SOCS2: variants seen among roughly 807,000 people sequenced by gnomAD.
SOCS2 encodes the protein CIS-2.
In SOCS2, 10 loss-of-function variants were observed where a neutral mutation model predicts 18.6. The observed-to-expected ratio is 0.54, with a 90% confidence interval of 0.33 to 0.91. The LOEUF is 0.91. SOCS2 is among the 40% of genes least tolerant of loss of function. The pLI, the probability that SOCS2 is intolerant of heterozygous loss-of-function variation, is 0.02. For synonymous variants in SOCS2, 104 were observed against 104.0 expected, an observed-to-expected ratio of 1.00 and a Z score of 0.00; for missense variants, 231 against 247.2, an observed-to-expected ratio of 0.93 and a Z score of 0.44.
the SOCS2 span, among the ~76,000 whole-genome samples, chr12:93,623,093 A>G: frequency 1.3e-5 from 2 of 152,110 alleles, no homozygotes; most frequent in Non-Finnish European, 2.9e-5. Flanking sequence ...CCCAAGTCTC[A>G]TCTCGAATTG....
chr12:93,579,801 A>T (rs1262525974), downstream of SOCS2, among the ~76,000 whole-genome samples: 1 of 151,938 alleles, frequency 6.6e-6, no homozygotes, highest in Non-Finnish European at 1.5e-5. Context: ...TTTCCTATCT[A>T]CCCCTTCCTG....
the SOCS2 span, among the ~76,000 whole-genome samples, chr12:93,602,651 C>T: frequency 2.6e-5 from 4 of 152,074 alleles, no homozygotes; most frequent in Non-Finnish European, 5.9e-5. Context: ...CCAGGAGTGG[C>T]TCAAATTTGG....
chr12:93,614,475 CTT>C, the SOCS2 span, among the ~76,000 whole-genome samples: 18 of 77,660 alleles, frequency 2.3e-4, 3 homozygotes, highest in African/African-American at 7.3e-4. Flanking sequence ...TCCTTCCTTC[CTT>C]CCTTTCCTTC....
the SOCS2 span, among the ~76,000 whole-genome samples, chr12:93,621,863 T>A: frequency 2.0e-5 from 3 of 152,236 alleles, no homozygotes; most frequent in African/African-American, 7.2e-5. Flanking sequence ...ATAAGGTTGT[T>A]CTGAGACTTA....
upstream of SOCS2, chr12:93,571,920 A>AGCGCGGCGTTGGTGGTTTGCATTTT (rs1277425764): frequency 9.4e-6 from 4 of 425,888 alleles, no homozygotes; most frequent in Admixed American, 2.5e-5. Context: ...TCGAGGTAAG[A>AGCGCGGCGTTGGTGGTTTGCATTTT]GCGCGGCGTT....
chr12:93,577,180 G>A (rs1321089690), downstream of SOCS2, among the ~76,000 whole-genome samples: 2 of 152,172 alleles, frequency 1.3e-5, no homozygotes, highest in Non-Finnish European at 2.9e-5. Context: ...ATTGGAAAAA[G>A]TTCTGAGTTA....
the SOCS2 span, among the ~76,000 whole-genome samples, chr12:93,619,248 T>A: frequency 1.3e-5 from 2 of 152,118 alleles, no homozygotes; most frequent in African/African-American, 4.8e-5. Context: ...TTCTTCCTCC[T>A]CCCACCTTCA....
intron 1 of SOCS2, chr12:93,573,646 A>C (rs1954346667): frequency 1.3e-5 from 2 of 157,958 alleles, no homozygotes; most frequent in Admixed American, 1.3e-4. Context: ...GAAAAAAGAA[A>C]AAAGAAAAAA....
In SOCS2 at chr12:93,575,439, G is replaced by A. The variant is rs753469901; in HGVS notation, c.*260G>A. ...CCTTTTAGATTAAAAATAAAATGTC[G>A]CATGTAAAGGCTGAAGTCGCGTTTT... On this transcript the variant is annotated 3_prime_UTR_variant, in exon 2 of 2. Transcript: ENST00000551556. The A allele has an allele frequency of 2.4e-5, 5 of 212,694 alleles. No individual in the cohort carries two copies. Among genetic ancestry groups the A allele is most frequent in the Non-Finnish European group, 4.7e-5 (5 of 106,452 alleles). The allele number at this position is 212,694 out of a possible 1,614,324, so 13.2% of individuals were successfully genotyped here.
chr12:93,594,827 A>G, the SOCS2 span, among the ~76,000 whole-genome samples: 19 of 152,232 alleles, frequency 1.2e-4, no homozygotes, highest in Admixed American at 5.2e-4. Flanking sequence ...TGTGTTTTAA[A>G]TAAGAATTAA....
chr12:93,592,891 A>T, the SOCS2 span, among the ~76,000 whole-genome samples: 35 of 150,042 alleles, frequency 2.3e-4, no homozygotes, highest in African/African-American at 7.6e-4. Context: ...GCTGTCTTTA[A>T]AAACCCTAGG....
At chr12:93,624,240 C>T in the SOCS2 span, among the ~76,000 whole-genome samples, 20 of 152,148 alleles carry the variant, frequency 1.3e-4, no homozygotes, top group Non-Finnish European at 2.5e-4. Context: ...AACCTGCCAG[C>T]GCTTTGACTT....
chr12:93,611,596 T>C, the SOCS2 span, among the ~76,000 whole-genome samples: 1 of 152,170 alleles, frequency 6.6e-6, no homozygotes, highest in Non-Finnish European at 1.5e-5. Flanking sequence ...CCATCAGCTA[T>C]AGCAACCAAA....
chr12:93,590,783 CAAAAAAAAAAAAAAAAAAAAAAA>C, the SOCS2 span, among the ~76,000 whole-genome samples: 3 of 38,950 alleles, frequency 7.7e-5, no homozygotes, highest in South Asian at 1.2e-3. Context: ...GACTCCGCCT[CAAAAAAAAAAAAAAAAAAAAAAA>C]AAAAAAAAAA....
At chr12:93,617,417 C>G in the SOCS2 span, among the ~76,000 whole-genome samples, 1 of 152,158 alleles carries the variant, frequency 6.6e-6, no homozygotes, top group African/African-American at 2.4e-5. Flanking sequence ...TGTGCTGCTT[C>G]TATGGAGATG....
the SOCS2 span, among the ~76,000 whole-genome samples, chr12:93,595,135 G>T: frequency 6.6e-6 from 1 of 152,110 alleles, no homozygotes; most frequent in Non-Finnish European, 1.5e-5. Flanking sequence ...GGGACGGGGG[G>T]TGATTTTGCT....
rs987640971 is a variant in SOCS2, at chr12:93,572,749, A to G, written c.-149A>G. On this transcript the variant is annotated 5_prime_UTR_variant, in exon 1 of 2. Transcript: ENST00000551556. This position sits in a 1 kb window ranked among gnomAD's most constrained non-coding sequence, Gnocchi z 5.0. ...TCCGTCCTCCAGGATCTGGGGAGAA[A>G]GAGCCCCATCCCTTCTCTCTCTGCC... The G allele has an allele frequency of 2.0e-6, 2 of 995,596 alleles. No homozygotes were observed. The highest frequency in any genetic ancestry group is 3.2e-5 in the African/African-American group (2 of 62,538). 61.7% of individuals were successfully genotyped at this position (995,596 alleles called of 1,614,324 possible).
At chr12:93,572,056 A>C (rs1003072722), upstream of SOCS2, 4 of 203,648 alleles carry the variant, frequency 2.0e-5, no homozygotes, top group African/African-American at 9.6e-5. This position sits in a 1 kb window ranked among gnomAD's most constrained non-coding sequence, Gnocchi z 5.0. Context: ...GAACCACCGC[A>C]GCCATCCTGG....
intron 1 of SOCS2, chr12:93,573,543 GC>G (rs1954341680): frequency 4.3e-6 from 1 of 229,952 alleles, no homozygotes; most frequent in East Asian, 8.5e-5. Context: ...CGAAGCCCCC[GC>G]CGAGCGCGGC....
Sources: gnomAD v4.1 joint callset for allele counts (sites outside exome capture counted in the v4.1 genomes callset) on GRCh38, gnomAD v4.1.1 for gene constraint, Gnocchi (gnomAD v3.1) non-coding constraint, MANE v1.5 for transcripts, NCBI Gene and HGNC (gene_info 2026-07-23, HGNC 2026-07-21) for gene names.